HIPK4: variants seen among roughly 807,000 people sequenced by gnomAD.
The protein encoded by HIPK4 is homeodomain-interacting protein kinase 4.
Under a neutral mutation model 44.8 loss-of-function variants are expected in HIPK4, and 26 were observed. The observed-to-expected ratio is 0.58, with a 90% CI of 0.43 to 0.80. HIPK4 has a LOEUF of 0.80. HIPK4 is among the 30% of genes least tolerant of loss of function. The pLI, the probability that HIPK4 is intolerant of heterozygous loss-of-function variation, is 0.00. For missense variants in HIPK4, 729 were observed against 862.6 expected (o/e 0.85, Z 1.94); for synonymous variants, 340 against 355.5 (o/e 0.96, Z 0.49).
In HIPK4 at chr19:40,389,572, G is replaced by A. The variant is rs1030401738; in HGVS notation, c.331C>T (p.Arg111Cys). The stretch of plus-strand genomic sequence containing the variant: ...TGCAGGGTGACTGTACGGATGTGGC[G>A]GGCGGGGAGGGGCGCGAAGTTGTTC... ...KENNFAPLPA[R>C]HIRTVTLQVL... The change falls in exon 1 of 4, where the codon CGC becomes TGC. Residue 111 changes from arginine (R) to cysteine (C), a missense_variant. Around this residue, in one of 2 missense-constraint regions of HIPK4, gnomAD observed 196 missense variants for 295.1 expected, o/e 0.66. Transcript: ENST00000291823. The surrounding 1 kb of genome is among the most constrained non-coding windows in gnomAD (Gnocchi z 4.6). 1.7e-5 allele frequency: 28 copies of A among 1,613,736 alleles called. No individual in the cohort carries two copies. Among genetic ancestry groups the A allele is most frequent in the African/African-American group, 5.3e-5 (4 of 74,852 alleles).
Position 40,387,862 on chromosome 19 carries a change from C to T in HIPK4, c.465+1576G>A, listed in dbSNP as rs150151579. On this transcript the variant is annotated intron_variant, in intron 1 of 3. Coordinates refer to ENST00000291823, the MANE Select transcript of HIPK4 (RefSeq NM_144685.5). ...TTTTTGTTTTGTGTTGAGACAGAGT[C>T]GAGCTCTGTCGCCCAGGCTGGAGTG... Among the ~76,000 whole-genome samples, 290 of 151,826 alleles carry T rather than the reference C, an allele frequency of 1.9e-3. 1 individual carries two copies. The highest frequency in any genetic ancestry group is 6.7e-3 in the African/African-American group (279 of 41,392).
rs767470350 is a variant in HIPK4, at chr19:40,379,539, CA to C, written c.*47del. On this transcript the variant is annotated 3_prime_UTR_variant, in exon 4 of 4. Coordinates refer to ENST00000291823, the MANE Select transcript of HIPK4 (RefSeq NM_144685.5). Reference sequence around the variant, plus strand: ...AGCAGTTCAGGTTGGGAGGGAATGCCAGCCCAGCTAGCGCAGCCCCCAGTGA... The same window carrying C: ...AGCAGTTCAGGTTGGGAGGGAATGCCGCCCAGCTAGCGCAGCCCCCAGTGA... The C allele has an allele frequency of 4.1e-5, 58 of 1,431,448 alleles. No homozygotes were observed. The African/African-American group carries it at 7.9e-4, about 19-fold the overall frequency. 88.7% of individuals were successfully genotyped at this position (1,431,448 alleles called of 1,614,324 possible).
At chr19:40,384,801 GGGGTTTCACCCTGTT>G (rs1445767333) in intron 1 of HIPK4, among the ~76,000 whole-genome samples, 6 of 151,456 alleles carry the variant, frequency 4.0e-5, no homozygotes, top group Non-Finnish European at 7.4e-5. Context: ...TAGTAGAGAC[GGGGTTTCACCCTGTT>G]GGCCAGGCTG....
rs751175620 is a variant in HIPK4, at chr19:40,389,553, G to A, written c.350C>T (p.Thr117Ile). ...PLPARHIRTV[T>I]LQVLTALARL... ...GGCCAGGGCTGTGAGCACCTGCAGG[G>A]TGACTGTACGGATGTGGCGGGCGGG... Residue 117 changes from threonine (T) to isoleucine (I), a missense_variant, in exon 1 of 4, where the codon ACC (threonine) becomes ATC (isoleucine). By Grantham distance (89) the Thr-to-Ile change is moderately conservative. Around this residue, in one of 2 missense-constraint regions of HIPK4, gnomAD observed 196 missense variants for 295.1 expected, o/e 0.66. Coordinates refer to ENST00000291823, the MANE Select transcript of HIPK4 (RefSeq NM_144685.5). The surrounding 1 kb of genome is among the most constrained non-coding windows in gnomAD (Gnocchi z 4.6). 2 of 1,613,862 alleles carry A rather than the reference G, an allele frequency of 1.2e-6. No individual in the cohort carries two copies. The highest frequency in any genetic ancestry group is 4.5e-5 in the East Asian group (2 of 44,866).
intron 1 of HIPK4, among the ~76,000 whole-genome samples, chr19:40,386,693 G>A (rs2079364886): frequency 6.6e-6 from 1 of 152,064 alleles, no homozygotes; most frequent in African/African-American, 2.4e-5. Context: ...TCAGTCCCAC[G>A]AGGGCAAAGA....
chr19:40,386,481 G>A (rs920944216), intron 1 of HIPK4, among the ~76,000 whole-genome samples: 7 of 152,186 alleles, frequency 4.6e-5, no homozygotes, highest in African/African-American at 1.7e-4. Context: ...AGCCTCCTGA[G>A]TAGCTGGGAC....
chr19:40,385,785 G>C (rs931910733), intron 1 of HIPK4, among the ~76,000 whole-genome samples: 1 of 131,242 alleles, frequency 7.6e-6, no homozygotes, highest in Non-Finnish European at 1.5e-5. Flanking sequence ...TTGGCTCACT[G>C]CAACCTCCTC....
At position 40,389,545 on chromosome 19, in the gene HIPK4, C is replaced by A; in HGVS notation, c.358G>T (p.Val120Leu). Residue 120 changes from valine (V) to leucine (L), a missense_variant, in exon 1 of 4, where the codon GTG (valine) becomes TTG (leucine). Val to Leu is a conservative substitution (Grantham distance 32). Around this residue, in one of 2 missense-constraint regions of HIPK4, gnomAD observed 196 missense variants for 295.1 expected, o/e 0.66. Transcript: ENST00000291823. The surrounding 1 kb of genome is among the most constrained non-coding windows in gnomAD (Gnocchi z 4.6). The stretch of plus-strand genomic sequence containing the variant: ...TTGAGCCGGGCCAGGGCTGTGAGCA[C>A]CTGCAGGGTGACTGTACGGATGTGG... ...ARHIRTVTLQVLTALARLKEL... is the reference protein window; with the variant it reads ...ARHIRTVTLQLLTALARLKEL... 1 of 1,613,922 alleles carries A rather than the reference C, an allele frequency of 6.2e-7. No individual in the cohort carries two copies. The highest frequency in any genetic ancestry group is 8.5e-7 in the Non-Finnish European group (1 of 1,179,970).
Position 40,387,575 on chromosome 19 carries a change from T to C in HIPK4, c.465+1863A>G, listed in dbSNP as rs369083830. Among the ~76,000 whole-genome samples the C allele has an allele frequency of 3.3e-5, 5 of 151,742 alleles. No homozygotes were observed. The East Asian group carries it at 5.8e-4, about 18-fold the overall frequency. ...ACTGCAACCTCCGCCCCCATATGGG[T>C]TCAAGCGATTCTCCTGCATCAGCCT... On this transcript the variant is annotated intron_variant, in intron 1 of 3. Coordinates refer to ENST00000291823, the MANE Select transcript of HIPK4 (RefSeq NM_144685.5).
In HIPK4 at chr19:40,390,142, G is replaced by A; in HGVS notation, c.-240C>T. The A allele has an allele frequency of 5.5e-6, 3 of 549,458 alleles. No individual in the cohort carries two copies. Among genetic ancestry groups the A allele is most frequent in the Non-Finnish European group, 9.8e-6 (3 of 305,462 alleles). The allele number at this position is 549,458 out of a possible 1,614,324, so 34.0% of individuals were successfully genotyped here. A position where few individuals can be genotyped will look rare whatever the true frequency, so the allele number is the denominator to read the frequency against. ...GAAACCCTCCTGGCTTGGGATGAGG[G>A]GCCCCAGGCCCCACCGAATGGGTTC... is the stretch of plus-strand genomic sequence containing the variant. On this transcript the variant is annotated 5_prime_UTR_variant, in exon 1 of 4. Coordinates refer to ENST00000291823, the MANE Select transcript of HIPK4 (RefSeq NM_144685.5).
At chr19:40,384,906 C>T (rs1162266383) in intron 1 of HIPK4, among the ~76,000 whole-genome samples, 1 of 152,202 alleles carries the variant, frequency 6.6e-6, no homozygotes, top group Non-Finnish European at 1.5e-5. Context: ...GCCACCGCAC[C>T]CAGCTGTGGC....
chr19:40,380,247 A>T lies in HIPK4; in HGVS notation c.1668+76T>A. 1 of 1,522,932 alleles carries T rather than the reference A, an allele frequency of 6.6e-7. No individual in the cohort carries two copies. The highest frequency in any genetic ancestry group is 1.3e-5 in the South Asian group (1 of 79,730). The allele number at this position is 1,522,932 out of a possible 1,614,324, so 94.3% of individuals were successfully genotyped here. ...GTGTGTTGAGCCTCCTCACACACTA[A>T]TCATATCCTGAGCACGGGTGAGTGT... is the stretch of plus-strand genomic sequence containing the variant. On this transcript the variant is annotated intron_variant, in intron 3 of 3. Transcript: ENST00000291823. This position sits in a 1 kb window ranked among gnomAD's most constrained non-coding sequence, Gnocchi z 4.2.
chr19:40,389,611 C>G lies in HIPK4; in HGVS notation c.292G>C (p.Glu98Gln), dbSNP rs1244539445. The change falls in exon 1 of 4, where the codon GAG becomes CAG. Residue 98 changes from glutamate to glutamine, a missense_variant. By Grantham distance (29) the Glu-to-Gln change is conservative (BLOSUM62 2). Around this residue, in one of 2 missense-constraint regions of HIPK4, gnomAD observed 196 missense variants for 295.1 expected, o/e 0.66. Coordinates refer to ENST00000291823, the MANE Select transcript of HIPK4 (RefSeq NM_144685.5). This position sits in a 1 kb window ranked among gnomAD's most constrained non-coding sequence, Gnocchi z 4.6. ...GCGAAGTTGTTCTCCTTCTGGAACT[C>G]GAAAAGGTTTTGCTCCAGCAGCTCA... ...VFELLEQNLF[E>Q]FQKENNFAPL... is the part of the protein sequence containing the mutation. The G allele has an allele frequency of 1.9e-6, 3 of 1,613,950 alleles. No individual in the cohort carries two copies. The highest frequency in any genetic ancestry group is 1.6e-4 in the Middle Eastern group (1 of 6,084).
rs769926387 is a variant in HIPK4, at chr19:40,380,512, C to T, written c.1479G>A (p.Ala493=). 16 of 1,612,418 alleles carry T rather than the reference C, an allele frequency of 9.9e-6. No homozygotes were observed. Among genetic ancestry groups the T allele is most frequent in the East Asian group, 6.7e-5 (3 of 44,894 alleles). ...TGAAGTTGGAGTCGGACTTGGAACC[C>T]GCAGGTGGCTTGCGGGCCTTGTGGC... ...AGRHKARKPP[A]GSKSDSNFSN... The change falls in exon 3 of 4, where the codon GCG becomes GCA. Residue 493 remains alanine (A), a synonymous_variant. Transcript: ENST00000291823. This position sits in a 1 kb window ranked among gnomAD's most constrained non-coding sequence, Gnocchi z 4.2.
At position 40,383,991 on chromosome 19, in the gene HIPK4, A is replaced by G. The variant is rs2079350855; in HGVS notation, c.614T>C (p.Met205Thr). The G allele has an allele frequency of 1.9e-6, 3 of 1,614,052 alleles. No homozygotes were observed. Among genetic ancestry groups the G allele is most frequent in the East Asian group, 2.2e-5 (1 of 44,892 alleles). Residue 205 changes from methionine (M) to threonine (T), a missense_variant, in exon 2 of 4, where the codon ATG becomes ACG. By Grantham distance (81) the Met-to-Thr change is moderately conservative. Around this residue, in one of 2 missense-constraint regions of HIPK4, gnomAD observed 196 missense variants for 295.1 expected, o/e 0.66. Coordinates refer to ENST00000291823, the MANE Select transcript of HIPK4 (RefSeq NM_144685.5). ...AGGCCAGCCCAGGTGCAGCTCAGCC[A>G]TGACGCAGCCCAGGGACCACACGTC... ...KVDVWSLGCVMAELHLGWPLY... is the reference protein window; with the variant it reads ...KVDVWSLGCVTAELHLGWPLY...
At chr19:40,381,190 G>A (rs781264406) in intron 2 of HIPK4, 22 bp from the exon 3 acceptor site, 3 of 1,574,462 alleles carry the variant, frequency 1.9e-6, no homozygotes, top group South Asian at 2.3e-5. Context: ...TGGAGAAGGG[G>A]GCAGGGTTGA....
intron 1 of HIPK4, among the ~76,000 whole-genome samples, chr19:40,385,493 G>A (rs1277225879): frequency 6.6e-6 from 1 of 151,948 alleles, no homozygotes; most frequent in Non-Finnish European, 1.5e-5. Flanking sequence ...TGAGCACAGG[G>A]CTCCCTGCCT....
chr19:40,381,418 G>A (rs1230843131), intron 2 of HIPK4, among the ~76,000 whole-genome samples: 2 of 152,188 alleles, frequency 1.3e-5, no homozygotes, highest in African/African-American at 4.8e-5. Flanking sequence ...CATGGGTGCA[G>A]CCCCTACCAG....
rs745355164 is a variant in HIPK4, at chr19:40,380,873, A to G, written c.1118T>C (p.Leu373Pro). The change falls in exon 3 of 4, where the codon CTG (leucine) becomes CCG (proline). Residue 373 changes from leucine (L) to proline (P), a missense_variant. Transcript: ENST00000291823. The surrounding 1 kb of genome is among the most constrained non-coding windows in gnomAD (Gnocchi z 4.2). ...QLSLRSYRLS[L>P]QVEGKPPTPV... ...CGTGGGGGGCTTCCCCTCCACTTGCAGCGAGAGGCGGTAGCTGCGCAGCGA... is the reference window on the plus strand; with the variant it reads ...CGTGGGGGGCTTCCCCTCCACTTGCGGCGAGAGGCGGTAGCTGCGCAGCGA... 3.7e-6 allele frequency: 6 copies of G among 1,608,072 alleles called. No individual in the cohort carries two copies. The highest frequency in any genetic ancestry group is 4.3e-6 in the Non-Finnish European group (5 of 1,175,106).
Sources: allele counts gnomAD v4.1 joint callset (sites outside exome capture counted in the v4.1 genomes callset), GRCh38; gene constraint gnomAD v4.1.1; regional missense constraint gnomAD v4.1.1; non-coding constraint Gnocchi (gnomAD v3.1); transcripts MANE v1.5; gene names NCBI Gene and HGNC (gene_info 2026-07-23, HGNC 2026-07-21).